KIF6: variants seen among roughly 807,000 people sequenced by gnomAD.
KIF6 encodes kinesin family member 6, also known as kinesin-like protein KIF6.
In KIF6, 106 loss-of-function variants were observed where a neutral mutation model predicts 112.7. The observed-to-expected ratio is 0.94, with a 90% CI of 0.80 to 1.11. The LOEUF (loss-of-function observed/expected upper bound fraction) is 1.11, where lower values mean the gene tolerates loss of function less well. Ranked by LOEUF, KIF6 falls within the 50% of genes least tolerant of loss-of-function variation. The pLI, the probability that KIF6 is intolerant of heterozygous loss-of-function variation, is 0.00. For missense variants in KIF6, 929 were observed against 964.0 expected, an observed-to-expected ratio of 0.96 and a Z score of 0.48; for synonymous variants, 339 against 339.9, an observed-to-expected ratio of 1.00 and a Z score of 0.03.
chr6:39,713,713 G>A (rs1159359365), intron 3 of KIF6, among the ~76,000 whole-genome samples: 2 of 152,152 alleles, frequency 1.3e-5, no homozygotes, highest in Non-Finnish European at 2.9e-5. Context: ...ATCTAAAGAG[G>A]TGTTATTGGA....
intron 22 of KIF6, among the ~76,000 whole-genome samples, chr6:39,338,047 T>C (rs925505831): frequency 3.9e-5 from 6 of 152,238 alleles, no homozygotes; most frequent in Non-Finnish European, 7.3e-5. Context: ...GTCGATTCAT[T>C]AGCACATTAA....
chr6:39,577,358 A>T (rs2150636201), intron 10 of KIF6, among the ~76,000 whole-genome samples: 1 of 152,370 alleles, frequency 6.6e-6, no homozygotes, highest in African/African-American at 2.4e-5. Flanking sequence ...TAGAAATCCT[A>T]TGTAGCTCTA....
At chr6:39,542,574 T>C (rs1328839167) in intron 12 of KIF6, among the ~76,000 whole-genome samples, 3 of 152,236 alleles carry the variant, frequency 2.0e-5, no homozygotes, top group Non-Finnish European at 2.9e-5. Flanking sequence ...CAAAGAAAGA[T>C]ATGAAAACAT....
At chr6:39,522,131 A>T (rs940917762) in intron 13 of KIF6, among the ~76,000 whole-genome samples, 5 of 152,136 alleles carry the variant, frequency 3.3e-5, no homozygotes, top group African/African-American at 9.7e-5. Context: ...TTTCCCCTTA[A>T]GGACATTGCC....
intron 10 of KIF6, among the ~76,000 whole-genome samples, chr6:39,567,228 G>A (rs1410027841): frequency 6.6e-6 from 1 of 152,128 alleles, no homozygotes; most frequent in Admixed American, 6.5e-5. Context: ...TACATAACAC[G>A]AATTACCCCA....
chr6:39,656,398 T>C (rs1582381776), intron 3 of KIF6, among the ~76,000 whole-genome samples: 1 of 152,198 alleles, frequency 6.6e-6, no homozygotes, highest in East Asian at 1.9e-4. Context: ...ATTCATCCTC[T>C]GTCTACACTG....
chr6:39,597,639 T>TAA (rs1362971173), intron 6 of KIF6, among the ~76,000 whole-genome samples: 1 of 152,218 alleles, frequency 6.6e-6, no homozygotes, highest in Non-Finnish European at 1.5e-5. Context: ...ATTAAAGCTT[T>TAA]AAGTGTGAAA....
In KIF6 at chr6:39,346,100, TCCCC is replaced by T. The variant is rs1562113049; in HGVS notation, c.2232-315_2232-312del. Among the ~76,000 whole-genome samples, 49 of 8,144 alleles carry T rather than the reference TCCCC, an allele frequency of 6.0e-3. 2 individuals are homozygous for T. Among genetic ancestry groups the T allele is most frequent in the South Asian group, 0.017 (3 of 180 alleles). 5.3% of individuals were successfully genotyped at this position (8,144 alleles called of 152,430 possible). ...TCTCTCTCTCTCCCCCCCCTCTCCCTCCCCCCCTCCCTCTCCCTCTCCCTCCCTC... is the reference window on the plus strand; with the variant it reads ...TCTCTCTCTCTCCCCCCCCTCTCCCTCCCTCCCTCTCCCTCTCCCTCCCTC... On this transcript the variant is annotated intron_variant, in intron 20 of 22. Transcript: ENST00000287152.
At chr6:39,450,506 T>G (rs1165959171) in intron 13 of KIF6, among the ~76,000 whole-genome samples, 2 of 152,154 alleles carry the variant, frequency 1.3e-5, no homozygotes, top group African/African-American at 4.8e-5. Context: ...AACAGAATGA[T>G]GTAAAGAAGC....
chr6:39,657,428 G>A (rs760610710), intron 3 of KIF6, among the ~76,000 whole-genome samples: 1 of 151,904 alleles, frequency 6.6e-6, no homozygotes, highest in Non-Finnish European at 1.5e-5. Flanking sequence ...CTGCACTCTT[G>A]GGGAGCTTAG....
chr6:39,723,607 A>G (rs548019969), intron 1 of KIF6, among the ~76,000 whole-genome samples: 1 of 152,218 alleles, frequency 6.6e-6, no homozygotes, highest in Non-Finnish European at 1.5e-5. Context: ...ACATGGATGA[A>G]GCTGGAAACC....
rs565714628 is a variant in KIF6, at chr6:39,534,208, C to T, written c.1645+5795G>A. Among the ~76,000 whole-genome samples, 109 of 152,252 alleles carry T rather than the reference C, an allele frequency of 7.2e-4. 1 individual carries two copies. The highest frequency in any genetic ancestry group is 2.0e-3 in the Admixed American group (30 of 15,296). On this transcript the variant is annotated intron_variant, in intron 13 of 22. Coordinates refer to ENST00000287152, the MANE Select transcript of KIF6 (RefSeq NM_145027.6). Reference sequence around the variant, plus strand: ...TCACCAGCAATGGAACAAAGCTGGACGGAGAATGACTTTGACGAGTTGAGA... The same window carrying T: ...TCACCAGCAATGGAACAAAGCTGGATGGAGAATGACTTTGACGAGTTGAGA...
chr6:39,616,844 G>C, intron 5 of KIF6, among the ~76,000 whole-genome samples: 1 of 152,102 alleles, frequency 6.6e-6, no homozygotes, highest in Non-Finnish European at 1.5e-5. Context: ...CCAGTGAAAT[G>C]GTTTTTCAAA....
At chr6:39,680,187 T>G (rs1477507001) in intron 3 of KIF6, among the ~76,000 whole-genome samples, 1 of 151,762 alleles carries the variant, frequency 6.6e-6, no homozygotes, top group Non-Finnish European at 1.5e-5. Context: ...TTTGTAATTT[T>G]AGTAGACACA....
chr6:39,487,376 C>T (rs147066253), intron 13 of KIF6, among the ~76,000 whole-genome samples: 235 of 152,282 alleles, frequency 1.5e-3, no homozygotes, highest in Middle Eastern at 3.4e-3. Flanking sequence ...CATCCAAAGT[C>T]AGATTCCCTC....
At chr6:39,339,654 C>T (rs1014917707) in intron 22 of KIF6, among the ~76,000 whole-genome samples, 3 of 151,708 alleles carry the variant, frequency 2.0e-5, no homozygotes, top group African/African-American at 7.2e-5. Flanking sequence ...AAGGGGTTAA[C>T]CTCATTTCCT....
intron 14 of KIF6, among the ~76,000 whole-genome samples, chr6:39,426,232 T>C (rs1770754891): frequency 6.6e-6 from 1 of 152,210 alleles, no homozygotes; most frequent in African/African-American, 2.4e-5. Flanking sequence ...AATGTGATTG[T>C]GAATTGCAAT....
chr6:39,560,288 CTAA>C (rs1779942914), intron 10 of KIF6, among the ~76,000 whole-genome samples: 1 of 152,204 alleles, frequency 6.6e-6, no homozygotes. Context: ...TGTTTCCCCA[CTAA>C]TAATATACTA....
At chr6:39,528,154 C>T (rs1311096656) in intron 13 of KIF6, among the ~76,000 whole-genome samples, 1 of 152,184 alleles carries the variant, frequency 6.6e-6, no homozygotes, top group Non-Finnish European at 1.5e-5. Flanking sequence ...CACCATTCTA[C>T]TCTCTGCTTC....
Sources: allele counts gnomAD v4.1 joint callset (sites outside exome capture counted in the v4.1 genomes callset), GRCh38; gene constraint gnomAD v4.1.1; transcripts MANE v1.5; gene names NCBI Gene and HGNC (gene_info 2026-07-23, HGNC 2026-07-21).